The following CCSER1 variants were observed in gnomAD, a reference collection of about 807,000 sequenced individuals.
CCSER1 encodes the protein serine-rich coiled-coil domain-containing protein 1.
In CCSER1, 41 loss-of-function variants were observed where a neutral mutation model predicts 82.0. The observed-to-expected ratio is 0.50, with a 90% CI of 0.39 to 0.65. CCSER1 has a LOEUF of 0.65. Ranked by LOEUF, CCSER1 falls within the 30% of genes least tolerant of loss-of-function variation. The pLI is 0.00. For synonymous variants in CCSER1, 414 were observed against 383.9 expected, an observed-to-expected ratio of 1.08 and a Z score of -0.92; for missense variants, 1,119 against 1,064.2, an observed-to-expected ratio of 1.05 and a Z score of -0.72.
At chr4:91,008,183 A>T (rs1367973733) in intron 9 of CCSER1, among the ~76,000 whole-genome samples, 3 of 152,170 alleles carry the variant, frequency 2.0e-5, no homozygotes, top group Non-Finnish European at 4.4e-5. Flanking sequence ...CATGTATATG[A>T]GAGGAATATT....
intron 9 of CCSER1, among the ~76,000 whole-genome samples, chr4:90,935,992 G>A (rs550600110): frequency 6.6e-6 from 1 of 151,892 alleles, no homozygotes; most frequent in South Asian, 2.1e-4. Flanking sequence ...ATGAACATAT[G>A]TATTTTTATA....
intron 4 of CCSER1, among the ~76,000 whole-genome samples, chr4:90,460,324 C>CAAAAAAAAAAAAAAAAAAAAAAAA (rs751331396): frequency 1.8e-4 from 6 of 32,638 alleles, no homozygotes; most frequent in Admixed American, 3.0e-4. Flanking sequence ...AACTCCGTCT[C>CAAAAAAAAAAAAAAAAAAAAAAAA]AAAAAAAAAA....
chr4:91,183,439 A>T (rs898849401), intron 10 of CCSER1, among the ~76,000 whole-genome samples: 1 of 152,216 alleles, frequency 6.6e-6, no homozygotes, highest in East Asian at 1.9e-4. Flanking sequence ...GGAGAATCCA[A>T]TTAGTTAATT....
intron 1 of CCSER1, among the ~76,000 whole-genome samples, chr4:90,160,580 G>A (rs1221621363): frequency 2.6e-5 from 4 of 152,192 alleles, no homozygotes; most frequent in South Asian, 4.1e-4. Flanking sequence ...GGCCTCTTAG[G>A]AGCCTAGTTT....
intron 1 of CCSER1, among the ~76,000 whole-genome samples, chr4:90,276,247 T>TTCCTTCCTTCC (rs1727643940): frequency 3.0e-5 from 3 of 99,416 alleles, no homozygotes; most frequent in East Asian, 3.1e-4. Context: ...TCTTTCTTTC[T>TTCCTTCCTTCC]TTCTTTCCTT....
intron 5 of CCSER1, among the ~76,000 whole-genome samples, chr4:90,480,406 CTTTTG>C (rs1363183025): frequency 6.6e-6 from 1 of 152,138 alleles, no homozygotes; most frequent in Non-Finnish European, 1.5e-5. Flanking sequence ...TCACTTTTGG[CTTTTG>C]TTTCCATTGC....
chr4:90,450,533 C>A (rs1232468282), intron 4 of CCSER1, among the ~76,000 whole-genome samples: 2 of 152,122 alleles, frequency 1.3e-5, no homozygotes, highest in Non-Finnish European at 2.9e-5. Context: ...ATTGTTGGTA[C>A]TTATCTTTTG....
At chr4:90,944,979 A>G (rs1732055581) in intron 9 of CCSER1, among the ~76,000 whole-genome samples, 1 of 152,208 alleles carries the variant, frequency 6.6e-6, no homozygotes, top group South Asian at 2.1e-4. Flanking sequence ...GCTTTATAGA[A>G]AATGTTTATC....
intron 10 of CCSER1, among the ~76,000 whole-genome samples, chr4:91,258,225 CAA>C (rs978901576): frequency 6.6e-6 from 1 of 151,964 alleles, no homozygotes; most frequent in Non-Finnish European, 1.5e-5. Context: ...ATGTGAGAAT[CAA>C]AGGTAGACTA....
intron 1 of CCSER1, among the ~76,000 whole-genome samples, chr4:90,209,196 C>T (rs566106012): frequency 1.2e-4 from 19 of 152,200 alleles, no homozygotes; most frequent in African/African-American, 4.3e-4. Context: ...AAAGGGTGAC[C>T]CGCTGAAATA....
Position 91,324,530 on chromosome 4 carries a change from A to G in CCSER1, c.2217+238536A>G, listed in dbSNP as rs184919535. Among the ~76,000 whole-genome samples the G allele has an allele frequency of 4.6e-4, 69 of 150,076 alleles. 1 individual carries two copies. The East Asian group carries it at 7.1e-3, about 16-fold the overall frequency. ...AGCTTAAAGAAAAATATTACATAGA[A>G]CAATATTGTATTATTTAAGAATACA... is the stretch of plus-strand genomic sequence containing the variant. On this transcript the variant is annotated intron_variant, in intron 10 of 10. Coordinates refer to ENST00000509176, the MANE Select transcript of CCSER1 (RefSeq NM_001145065.2).
intron 8 of CCSER1, among the ~76,000 whole-genome samples, chr4:90,912,079 C>G (rs1431110080): frequency 6.6e-6 from 1 of 152,202 alleles, no homozygotes; most frequent in East Asian, 1.9e-4. Flanking sequence ...CAAAAGGCAG[C>G]AGAAACCTCT....
At chr4:91,165,214 T>A (rs898643848) in intron 10 of CCSER1, among the ~76,000 whole-genome samples, 1 of 152,184 alleles carries the variant, frequency 6.6e-6, no homozygotes, top group African/African-American at 2.4e-5. Context: ...CTGTTGCAGT[T>A]TGCTGGAGGT....
intron 10 of CCSER1, among the ~76,000 whole-genome samples, chr4:91,313,381 T>C (rs1056696264): frequency 6.6e-6 from 1 of 151,954 alleles, no homozygotes; most frequent in African/African-American, 2.4e-5. Context: ...TTTCTATCAC[T>C]TCTTTCTAAA....
chr4:90,157,473 T>C (rs1415501841), intron 1 of CCSER1, among the ~76,000 whole-genome samples: 3 of 152,300 alleles, frequency 2.0e-5, no homozygotes, highest in South Asian at 2.1e-4. Context: ...GAGTGTTTTC[T>C]AACTTGGTTC....
chr4:91,027,996 A>G (rs1740638650), intron 9 of CCSER1, among the ~76,000 whole-genome samples: 1 of 152,058 alleles, frequency 6.6e-6, no homozygotes, highest in Admixed American at 6.6e-5. Flanking sequence ...GGAAAAGAAA[A>G]AAGAAGAGGG....
At chr4:91,262,816 G>A (rs916253289) in intron 10 of CCSER1, among the ~76,000 whole-genome samples, 1 of 150,846 alleles carries the variant, frequency 6.6e-6, no homozygotes, top group African/African-American at 2.4e-5. Flanking sequence ...ATTACATTTC[G>A]ATCTCTGTGA....
At chr4:90,939,368 T>C (rs758771647) in intron 9 of CCSER1, among the ~76,000 whole-genome samples, 1 of 152,206 alleles carries the variant, frequency 6.6e-6, no homozygotes, top group Non-Finnish European at 1.5e-5. Context: ...GTCTCCTGAA[T>C]GTATCCTAAA....
intron 8 of CCSER1, among the ~76,000 whole-genome samples, chr4:90,900,646 T>C (rs910518093): frequency 1.3e-5 from 2 of 152,024 alleles, no homozygotes; most frequent in African/African-American, 2.4e-5. Flanking sequence ...TATTGCACTG[T>C]GGTCTGAGAA....
Sources: allele counts gnomAD v4.1 joint callset (sites outside exome capture counted in the v4.1 genomes callset), GRCh38; gene constraint gnomAD v4.1.1; transcripts MANE v1.5; gene names NCBI Gene and HGNC (gene_info 2026-07-23, HGNC 2026-07-21).